ACOXL: variants seen among roughly 807,000 people sequenced by gnomAD.
The protein encoded by ACOXL is acyl-coenzyme A oxidase-like protein.
Under a neutral mutation model 71.9 loss-of-function variants are expected in ACOXL, and 70 were observed. The observed-to-expected ratio is 0.97, with a 90% confidence interval of 0.80 to 1.19. ACOXL has a LOEUF of 1.19. Among genes scored for constraint, ACOXL ranks in the 50% most tolerant of loss-of-function variants. The probability of loss-of-function intolerance (pLI) is 0.00; values close to 1 mark genes in which losing one functional copy is unlikely to be tolerated. For missense variants in ACOXL, 703 were observed against 736.3 expected, an observed-to-expected ratio of 0.95 and a Z score of 0.52; for synonymous variants, 253 against 281.6, an observed-to-expected ratio of 0.90 and a Z score of 1.02.
chr2:110,740,797 C>G (rs1677430935), intron 1 of ACOXL, among the ~76,000 whole-genome samples: 1 of 152,200 alleles, frequency 6.6e-6, no homozygotes, highest in Non-Finnish European at 1.5e-5. Context: ...TGGCCCTGTC[C>G]TTTGGAAGCT....
At chr2:110,773,704 G>T (rs1014143568) in intron 2 of ACOXL, among the ~76,000 whole-genome samples, 4 of 152,196 alleles carry the variant, frequency 2.6e-5, no homozygotes, top group Non-Finnish European at 5.9e-5. Context: ...GGCTCCCCTG[G>T]CTCTTAGTCC....
chr2:110,801,016 TG>T (rs1465699017), intron 7 of ACOXL, among the ~76,000 whole-genome samples: 2 of 152,220 alleles, frequency 1.3e-5, no homozygotes, highest in African/African-American at 2.4e-5. Context: ...AAAGACAGAT[TG>T]TTTTCCCCTA....
chr2:110,741,313 A>C (rs1351857167), intron 1 of ACOXL, among the ~76,000 whole-genome samples: 1 of 152,150 alleles, frequency 6.6e-6, no homozygotes, highest in Non-Finnish European at 1.5e-5. Flanking sequence ...GGGTGTCGGC[A>C]GGGTTGGTTG....
At chr2:110,960,080 T>C (rs1260837179) in intron 12 of ACOXL, among the ~76,000 whole-genome samples, 1 of 152,152 alleles carries the variant, frequency 6.6e-6, no homozygotes, top group African/African-American at 2.4e-5. Flanking sequence ...GGGACACCTT[T>C]CTTGCAGTGG....
chr2:110,932,650 CT>C (rs2060517856), intron 11 of ACOXL, among the ~76,000 whole-genome samples: 1 of 152,078 alleles, frequency 6.6e-6, no homozygotes, highest in African/African-American at 2.4e-5. Flanking sequence ...CATGTGAAAC[CT>C]TTTGTGTGTG....
At chr2:110,935,250 C>G (rs956012454) in intron 12 of ACOXL, among the ~76,000 whole-genome samples, 5 of 152,130 alleles carry the variant, frequency 3.3e-5, no homozygotes, top group Non-Finnish European at 5.9e-5. Context: ...CTCTTGCAGG[C>G]TCCTGGTCCT....
intron 14 of ACOXL, among the ~76,000 whole-genome samples, chr2:111,012,112 C>T (rs184208567): frequency 8.5e-5 from 13 of 152,158 alleles, no homozygotes; most frequent in Admixed American, 2.6e-4. Flanking sequence ...TATAGGCATA[C>T]CTCATTTTAT....
intron 9 of ACOXL, among the ~76,000 whole-genome samples, chr2:110,828,005 C>T (rs139146322): frequency 6.6e-6 from 1 of 152,196 alleles, no homozygotes; most frequent in Non-Finnish European, 1.5e-5. Context: ...GAATCTTGCT[C>T]TGTCGCCCAG....
At chr2:110,961,193 A>C (rs112323394) in intron 12 of ACOXL, among the ~76,000 whole-genome samples, 1 of 152,322 alleles carries the variant, frequency 6.6e-6, no homozygotes, top group African/African-American at 2.4e-5. Flanking sequence ...GAGGGCTGTG[A>C]GCCCTGTTAC....
intron 15 of ACOXL, among the ~76,000 whole-genome samples, chr2:111,045,782 G>T (rs1394998374): frequency 6.6e-6 from 1 of 152,182 alleles, no homozygotes; most frequent in East Asian, 1.9e-4. Flanking sequence ...TGCTGCTTTT[G>T]TTGGGCCTCT....
chr2:111,028,739 T>A (rs1052938740), intron 14 of ACOXL, among the ~76,000 whole-genome samples: 6 of 152,274 alleles, frequency 3.9e-5, no homozygotes, highest in Non-Finnish European at 8.8e-5. Flanking sequence ...AACTTCTTTA[T>A]GCATTCAGCT....
At chr2:111,018,649 G>A (rs2064583477) in intron 14 of ACOXL, among the ~76,000 whole-genome samples, 2 of 152,136 alleles carry the variant, frequency 1.3e-5, no homozygotes, top group African/African-American at 4.8e-5. Flanking sequence ...AAAGGCCGTA[G>A]TAACCAAGGG....
intron 11 of ACOXL, among the ~76,000 whole-genome samples, chr2:110,914,671 G>C (rs970054634): frequency 4.6e-5 from 7 of 151,714 alleles, no homozygotes; most frequent in African/African-American, 1.7e-4. Context: ...GTTTTGTTTT[G>C]ATTTTGCCTT....
intron 17 of ACOXL, among the ~76,000 whole-genome samples, chr2:111,117,287 C>A (rs2150098909): frequency 6.6e-6 from 1 of 152,300 alleles, no homozygotes; most frequent in African/African-American, 2.4e-5. Flanking sequence ...GAGGAAGGAC[C>A]AAGGAGGGAG....
At chr2:110,784,156 G>A (rs548467962) in intron 2 of ACOXL, among the ~76,000 whole-genome samples, 3 of 152,116 alleles carry the variant, frequency 2.0e-5, no homozygotes, top group South Asian at 4.1e-4. Flanking sequence ...GTACCATGGC[G>A]CATGCCTGTA....
At chr2:111,034,221 G>A (rs1425903796) in intron 15 of ACOXL, among the ~76,000 whole-genome samples, 1 of 152,214 alleles carries the variant, frequency 6.6e-6, no homozygotes, top group East Asian at 1.9e-4. Flanking sequence ...AATATTAAAT[G>A]AGACAACGCT....
At chr2:110,982,941 G>A (rs997872810) in intron 12 of ACOXL, among the ~76,000 whole-genome samples, 2 of 152,088 alleles carry the variant, frequency 1.3e-5, no homozygotes, top group Admixed American at 1.3e-4. Flanking sequence ...TTGAAGAAGG[G>A]GGCCTGCATT....
At chr2:110,879,650 G>A (rs1487807375) in intron 10 of ACOXL, among the ~76,000 whole-genome samples, 3 of 152,130 alleles carry the variant, frequency 2.0e-5, no homozygotes, top group African/African-American at 7.2e-5. Context: ...ATTTGTGGGA[G>A]GGTAGAACTT....
intron 10 of ACOXL, among the ~76,000 whole-genome samples, chr2:110,907,936 A>G (rs1005598256): frequency 6.6e-6 from 1 of 152,200 alleles, no homozygotes; most frequent in African/African-American, 2.4e-5. Context: ...TTTGCCCACC[A>G]TGCTTGATAA....
Sources: allele counts gnomAD v4.1 joint callset (sites outside exome capture counted in the v4.1 genomes callset), GRCh38; gene constraint gnomAD v4.1.1; transcripts MANE v1.5; gene names NCBI Gene and HGNC (gene_info 2026-07-23, HGNC 2026-07-21).